Variants in TNNI3K observed in about 807,000 individuals in gnomAD.
The protein encoded by TNNI3K is TNNI3 interacting kinase.
In TNNI3K, 140 loss-of-function variants were observed where a neutral mutation model predicts 114.5. That is an observed-to-expected ratio of 1.22 (90% CI 1.07 to 1.41). The LOEUF (loss-of-function observed/expected upper bound fraction) is 1.41, where lower values mean the gene tolerates loss of function less well. Ranked by LOEUF, TNNI3K falls within the 40% of genes most tolerant of loss-of-function variation. The pLI, the probability that TNNI3K is intolerant of heterozygous loss-of-function variation, is 0.00. For missense variants in TNNI3K, 1,125 were observed against 1,007.6 expected (o/e 1.12, Z -1.58); for synonymous variants, 347 against 347.5 (o/e 1.00, Z 0.02).
chr1:74,482,943 A>G (rs274585), intron 21 of TNNI3K, among the ~76,000 whole-genome samples: 149,023 of 152,294 alleles, frequency 0.98, 72,928 homozygotes, highest in East Asian at 1. Context: ...CTGGTGGTAG[A>G]GTTCAAATCT....
intron 23 of TNNI3K, among the ~76,000 whole-genome samples, chr1:74,536,653 T>A (rs991966778): frequency 4.6e-5 from 7 of 152,122 alleles, no homozygotes; most frequent in Non-Finnish European, 2.9e-5. Context: ...AAATAAAATT[T>A]CATTTTACAT....
intron 20 of TNNI3K, among the ~76,000 whole-genome samples, chr1:74,443,211 A>G (rs186314771): frequency 3.3e-4 from 51 of 152,320 alleles, no homozygotes; most frequent in African/African-American, 1.2e-3. Flanking sequence ...CAGAAAATCA[A>G]TGAATCCAGG....
In TNNI3K at chr1:74,447,328, T is replaced by C. The variant is rs543380922; in HGVS notation, c.2011+7706T>C. ...ATTGTGAATGGGAGTTCACTCATGA[T>C]TTGGCTCTCTGTTTGTCTGTTGTTG... On this transcript the variant is annotated intron_variant, in intron 20 of 24. Transcript: ENST00000326637. Among the ~76,000 whole-genome samples the C allele has an allele frequency of 2.8e-3, 425 of 150,280 alleles. 12 individuals carry two copies. Among genetic ancestry groups the C allele is most frequent in the Admixed American group, 0.024 (365 of 15,186 alleles).
intron 20 of TNNI3K, among the ~76,000 whole-genome samples, chr1:74,452,011 TA>T (rs1367621153): frequency 6.6e-6 from 1 of 152,010 alleles, no homozygotes; most frequent in Non-Finnish European, 1.5e-5. Context: ...TTTAAAAACA[TA>T]AACCTGATAT....
chr1:74,302,825 C>G (rs559527794), intron 5 of TNNI3K, among the ~76,000 whole-genome samples: 1 of 152,148 alleles, frequency 6.6e-6, no homozygotes, highest in Admixed American at 6.5e-5. Context: ...GCAACAAGTG[C>G]TGATGTAAAC....
chr1:74,492,006 C>G (rs762869836), intron 22 of TNNI3K, 91 bp from the exon 23 acceptor site: 6 of 1,375,388 alleles, frequency 4.4e-6, no homozygotes, highest in Non-Finnish European at 5.7e-6. Context: ...TATGGGAAAC[C>G]TTGGAATAGA....
chr1:74,385,979 G>A (rs1466383606), intron 17 of TNNI3K, among the ~76,000 whole-genome samples: 1 of 152,232 alleles, frequency 6.6e-6, no homozygotes. Context: ...GAGGGACCCA[G>A]TGGGAGGTAA....
chr1:74,485,479 C>A (rs992378023), intron 21 of TNNI3K, among the ~76,000 whole-genome samples: 1 of 152,128 alleles, frequency 6.6e-6, no homozygotes, highest in South Asian at 2.1e-4. Flanking sequence ...TTCTCTACTG[C>A]GTATTTGTGA....
At chr1:74,312,023 T>G (rs1659022337) in intron 5 of TNNI3K, among the ~76,000 whole-genome samples, 1 of 152,222 alleles carries the variant, frequency 6.6e-6, no homozygotes, top group African/African-American at 2.4e-5. Flanking sequence ...ATTTAGATTC[T>G]ATGAGTTCTC....
intron 5 of TNNI3K, among the ~76,000 whole-genome samples, chr1:74,323,357 C>T (rs576298575): frequency 1.3e-5 from 2 of 152,232 alleles, no homozygotes; most frequent in South Asian, 2.1e-4. Context: ...GCTTCACTGT[C>T]CTTATCTTTA....
chr1:74,270,667 G>A (rs533057), intron 4 of TNNI3K, among the ~76,000 whole-genome samples: 149,483 of 151,774 alleles, frequency 0.98, 73,663 homozygotes, highest in Middle Eastern at 1. Flanking sequence ...AGTATTTGAT[G>A]TTATATGTAT....
At chr1:74,304,543 C>T (rs1176410965) in intron 5 of TNNI3K, among the ~76,000 whole-genome samples, 1 of 152,148 alleles carries the variant, frequency 6.6e-6, no homozygotes, top group African/African-American at 2.4e-5. Context: ...ACCAGGCTCA[C>T]ATGAACCTCC....
rs571296790 is a variant in TNNI3K, at chr1:74,368,747, C to T, written c.1322-275C>T. ...CTGGTAACCAGATCAGGAATAGACC[C>T]TTAGCCCTGGTAACCAGATCAGGAA... is the stretch of plus-strand genomic sequence containing the variant. On this transcript the variant is annotated intron_variant, in intron 13 of 24. Transcript: ENST00000326637. Among the ~76,000 whole-genome samples, 5 of 151,830 alleles carry T rather than the reference C, an allele frequency of 3.3e-5. No homozygotes were observed. In the East Asian group the frequency reaches 9.8e-4, roughly 30 times the overall value.
chr1:74,301,481 G>A (rs1658329428), intron 5 of TNNI3K, among the ~76,000 whole-genome samples: 1 of 152,002 alleles, frequency 6.6e-6, no homozygotes, highest in Non-Finnish European at 1.5e-5. Flanking sequence ...ACAGAAAAAA[G>A]ATCAATAGCT....
intron 20 of TNNI3K, among the ~76,000 whole-genome samples, chr1:74,440,750 G>A (rs1356635721): frequency 4.6e-5 from 7 of 152,078 alleles, no homozygotes; most frequent in Non-Finnish European, 8.8e-5. Context: ...TTATAGTGTG[G>A]ATGTGTGGAC....
intron 21 of TNNI3K, among the ~76,000 whole-genome samples, chr1:74,484,746 T>C (rs1389114281): frequency 6.6e-6 from 1 of 152,146 alleles, no homozygotes; most frequent in African/African-American, 2.4e-5. Flanking sequence ...CAGGTTGTTG[T>C]ATACCTTAGA....
intron 5 of TNNI3K, among the ~76,000 whole-genome samples, chr1:74,306,523 C>T (rs747638090): frequency 1.3e-5 from 2 of 152,300 alleles, no homozygotes; most frequent in Non-Finnish European, 2.9e-5. Context: ...CTTTTCTCTG[C>T]GTCCATGCCA....
At chr1:74,507,467 G>A (rs1235372678) in intron 23 of TNNI3K, among the ~76,000 whole-genome samples, 2 of 152,160 alleles carry the variant, frequency 1.3e-5, no homozygotes, top group African/African-American at 4.8e-5. Context: ...CACAGAGTAA[G>A]CTTCTTGAAG....
At chr1:74,441,173 C>T (rs1257838559) in intron 20 of TNNI3K, among the ~76,000 whole-genome samples, 1 of 151,996 alleles carries the variant, frequency 6.6e-6, no homozygotes, top group Admixed American at 6.6e-5. Context: ...GCTGTATAAC[C>T]ACAATGGCAA....
Sources: gnomAD v4.1 joint callset for allele counts (sites outside exome capture counted in the v4.1 genomes callset) on GRCh38, gnomAD v4.1.1 for gene constraint, MANE v1.5 for transcripts, NCBI Gene and HGNC (gene_info 2026-07-23, HGNC 2026-07-21) for gene names.